ATRNL1: variants seen among roughly 807,000 people sequenced by gnomAD.
ATRNL1 encodes attractin like 1.
ATRNL1 carries 95 observed loss-of-function variants against 182.7 expected under a neutral mutation model. The ratio of observed to expected loss-of-function variants is 0.52; its 90% CI spans 0.44 to 0.62. The LOEUF (loss-of-function observed/expected upper bound fraction) is 0.62. ATRNL1 is among the 20% of genes least tolerant of loss of function. The pLI, the probability that ATRNL1 is intolerant of heterozygous loss-of-function variation, is 0.00. For synonymous variants in ATRNL1, 576 were observed against 568.3 expected, an observed-to-expected ratio of 1.01 and a Z score of -0.19; for missense variants, 1,471 against 1,679.5, an observed-to-expected ratio of 0.88 and a Z score of 2.17.
chr10:115,675,068 A>G (rs777156178), intron 26 of ATRNL1, among the ~76,000 whole-genome samples: 129 of 152,248 alleles, frequency 8.5e-4, no homozygotes, highest in Non-Finnish European at 1.6e-3. Flanking sequence ...GAACCTACAC[A>G]CAGTCTAGAA....
At chr10:115,408,254 C>T (rs1487462593) in intron 20 of ATRNL1, among the ~76,000 whole-genome samples, 7 of 151,930 alleles carry the variant, frequency 4.6e-5, no homozygotes, top group Non-Finnish European at 1.0e-4. Context: ...CCACCCGCCT[C>T]GGCCTCCCAA....
rs1333173829 is a variant in ATRNL1, at chr10:115,327,374, A to G, written c.3038-6908A>G. On this transcript the variant is annotated intron_variant, in intron 18 of 28. Coordinates refer to ENST00000355044, the MANE Select transcript of ATRNL1 (RefSeq NM_207303.4). ...TGACCATCAGAGAAATGCAAATCAA[A>G]ACCACAATGAGATACCATCTCACAC... Among the ~76,000 whole-genome samples, 15 of 152,248 alleles carry G rather than the reference A, an allele frequency of 9.9e-5. No individual in the cohort carries two copies. The South Asian group carries it at 1.0e-3, about 11-fold the overall frequency.
At chr10:115,406,155 A>G (rs974052312) in intron 20 of ATRNL1, among the ~76,000 whole-genome samples, 2 of 152,014 alleles carry the variant, frequency 1.3e-5, no homozygotes, top group Admixed American at 1.3e-4. Context: ...ATAAACATAC[A>G]TGTGCATGTG....
At chr10:115,717,180 A>C (rs1555056538) in intron 26 of ATRNL1, among the ~76,000 whole-genome samples, 1 of 152,190 alleles carries the variant, frequency 6.6e-6, no homozygotes, top group African/African-American at 2.4e-5. Flanking sequence ...TTTGAGATTA[A>C]CTGCTGTTGC....
chr10:115,897,169 G>A (rs1952228936), intron 28 of ATRNL1, among the ~76,000 whole-genome samples: 1 of 152,016 alleles, frequency 6.6e-6, no homozygotes, highest in African/African-American at 2.4e-5. Context: ...AATAGGAATG[G>A]CCTATATGAA....
chr10:115,890,093 C>T (rs1555110768), intron 28 of ATRNL1, among the ~76,000 whole-genome samples: 1 of 152,120 alleles, frequency 6.6e-6, no homozygotes, highest in East Asian at 1.9e-4. Flanking sequence ...TGGCTTTATG[C>T]TTAGTTTTAT....
intron 8 of ATRNL1, among the ~76,000 whole-genome samples, chr10:115,200,439 C>T (rs1848523660): frequency 1.4e-5 from 2 of 143,726 alleles, no homozygotes; most frequent in Admixed American, 7.1e-5. Context: ...CATGTGTTCT[C>T]ATTGTTCAAT....
chr10:115,520,820 G>T (rs1211359230), intron 25 of ATRNL1, among the ~76,000 whole-genome samples: 2 of 151,872 alleles, frequency 1.3e-5, no homozygotes, highest in Admixed American at 6.6e-5. Flanking sequence ...TACTTCTCTT[G>T]ATAAGAGAAA....
intron 20 of ATRNL1, among the ~76,000 whole-genome samples, chr10:115,409,237 A>G (rs1222143085): frequency 1.3e-5 from 2 of 152,000 alleles, no homozygotes; most frequent in Non-Finnish European, 2.9e-5. Context: ...ATTCTCCTCA[A>G]TTTTATCAGT....
chr10:115,317,693 C>T (rs1854371842), intron 18 of ATRNL1, among the ~76,000 whole-genome samples: 1 of 151,892 alleles, frequency 6.6e-6, no homozygotes, highest in Admixed American at 6.6e-5. Flanking sequence ...TTGGCTCTCT[C>T]CTTGTGTATT....
intron 26 of ATRNL1, among the ~76,000 whole-genome samples, chr10:115,663,338 G>C (rs1245782300): frequency 6.6e-6 from 1 of 151,882 alleles, no homozygotes; most frequent in Admixed American, 6.6e-5. Context: ...TATAATTTCA[G>C]CCATTTGCAA....
chr10:115,200,716 G>A (rs1350863928), intron 8 of ATRNL1, among the ~76,000 whole-genome samples: 1 of 141,812 alleles, frequency 7.1e-6, no homozygotes, highest in African/African-American at 2.7e-5. Flanking sequence ...ATAGCAGCAT[G>A]ATTTATAGTC....
chr10:115,439,359 A>C (rs1846556040), intron 21 of ATRNL1, among the ~76,000 whole-genome samples: 1 of 151,884 alleles, frequency 6.6e-6, no homozygotes, highest in Non-Finnish European at 1.5e-5. Flanking sequence ...TGTGAAAAAC[A>C]TGTTGAAGAT....
Position 115,452,856 on chromosome 10 carries a change from C to T in ATRNL1, c.3323-9085C>T, listed in dbSNP as rs76648966. 3.3e-3 allele frequency among the ~76,000 whole-genome samples: 505 copies of T among 152,126 alleles called. 11 individuals are homozygous for T. In the East Asian group the frequency reaches 0.046, roughly 14 times the overall value. The stretch of plus-strand genomic sequence containing the variant: ...GTAACCCTTCCCCTTTTCTTTCTCC[C>T]TATCCCAGCACCTGGTAACCACCTT... On this transcript the variant is annotated intron_variant, in intron 21 of 28. Transcript: ENST00000355044.
At chr10:115,112,057 C>T (rs1245779628) in intron 1 of ATRNL1, among the ~76,000 whole-genome samples, 3 of 131,982 alleles carry the variant, frequency 2.3e-5, no homozygotes, top group Non-Finnish European at 4.9e-5. Context: ...AAAAACAAAA[C>T]AAAAAAAACC....
At chr10:115,304,727 A>T (rs1554925646) in intron 17 of ATRNL1, among the ~76,000 whole-genome samples, 1 of 151,766 alleles carries the variant, frequency 6.6e-6, no homozygotes, top group Non-Finnish European at 1.5e-5. Flanking sequence ...TAATATGCAA[A>T]TGCAGGGCAC....
chr10:115,820,848 C>T (rs782755802), intron 27 of ATRNL1, among the ~76,000 whole-genome samples: 1 of 152,080 alleles, frequency 6.6e-6, no homozygotes, highest in Non-Finnish European at 1.5e-5. Context: ...CGTGTCCCCA[C>T]CCAAATCTCA....
chr10:115,270,466 A>T (rs186641322), intron 13 of ATRNL1, among the ~76,000 whole-genome samples: 1,820 of 147,284 alleles, frequency 0.012, 32 homozygotes, highest in African/African-American at 0.039. Context: ...TATATATATA[A>T]AATGAGATTT....
At chr10:115,911,908 A>G (rs17269882) in intron 28 of ATRNL1, among the ~76,000 whole-genome samples, 23,536 of 152,064 alleles carry the variant, frequency 0.15, 2,090 homozygotes, top group Non-Finnish European at 0.2. Flanking sequence ...TCATCTGCCT[A>G]TTATTTCAGT....
Sources: allele counts gnomAD v4.1 joint callset (sites outside exome capture counted in the v4.1 genomes callset), GRCh38; gene constraint gnomAD v4.1.1; transcripts MANE v1.5; gene names NCBI Gene and HGNC (gene_info 2026-07-23, HGNC 2026-07-21).